The following RNF150 variants were observed in gnomAD, a reference collection of about 807,000 sequenced individuals.
The protein encoded by RNF150 is ring finger protein 150.
A neutral mutation model predicts 39.3 loss-of-function variants in RNF150; 24 were observed. The ratio of observed to expected loss-of-function variants is 0.61; its 90% confidence interval spans 0.44 to 0.86. The LOEUF (loss-of-function observed/expected upper bound fraction) is 0.86. RNF150 is among the 40% of genes least tolerant of loss of function. RNF150 has a pLI of 0.00. For missense variants in RNF150, 502 were observed against 587.8 expected (o/e 0.85, Z 1.51); for synonymous variants, 255 against 227.3 (o/e 1.12, Z -1.10).
At chr4:141,024,516 G>A (rs979562653) in intron 1 of RNF150, among the ~76,000 whole-genome samples, 2 of 151,862 alleles carry the variant, frequency 1.3e-5, no homozygotes, top group Non-Finnish European at 2.9e-5. Context: ...AATTATCGCT[G>A]GTTAAACACA....
intron 1 of RNF150, among the ~76,000 whole-genome samples, chr4:141,071,918 G>T (rs143425201): frequency 2.6e-5 from 4 of 152,266 alleles, no homozygotes; most frequent in African/African-American, 9.6e-5. Flanking sequence ...GGGGGAAAAA[G>T]AATCAAGTGC....
intron 1 of RNF150, among the ~76,000 whole-genome samples, chr4:141,056,697 G>A (rs1425561881): frequency 6.6e-6 from 1 of 151,888 alleles, no homozygotes; most frequent in Non-Finnish European, 1.5e-5. Flanking sequence ...CTCAGTAGCT[G>A]AAGACATGAA....
At chr4:140,968,739 T>C (rs1193016356) in intron 1 of RNF150, among the ~76,000 whole-genome samples, 4 of 151,866 alleles carry the variant, frequency 2.6e-5, no homozygotes, top group Admixed American at 6.6e-5. Context: ...TGGGTCATTG[T>C]CCTTACGCAT....
At chr4:140,918,060 A>G (rs1460267677) in intron 5 of RNF150, among the ~76,000 whole-genome samples, 2 of 152,026 alleles carry the variant, frequency 1.3e-5, no homozygotes, top group East Asian at 3.9e-4. Flanking sequence ...AGGGAAATTT[A>G]TAGCACTAAA....
At chr4:141,155,286 G>A (rs2572230) in intron 1 of RNF150, among the ~76,000 whole-genome samples, 142,657 of 144,718 alleles carry the variant, frequency 0.99, 70,357 homozygotes, top group Non-Finnish European at 1. Context: ...TTTAGTAGAG[G>A]CAGGTTTCAC....
At chr4:141,159,618 C>T (rs1418134126) in intron 1 of RNF150, among the ~76,000 whole-genome samples, 3 of 152,110 alleles carry the variant, frequency 2.0e-5, no homozygotes, top group Admixed American at 1.3e-4. Context: ...TCATGGCTAA[C>T]TGCAGCCTCC....
intron 2 of RNF150, among the ~76,000 whole-genome samples, chr4:140,962,003 G>A (rs1733044425): frequency 6.6e-6 from 1 of 151,440 alleles, no homozygotes; most frequent in South Asian, 2.1e-4. Flanking sequence ...ATTATCACAG[G>A]CCCAAAAATA....
intron 4 of RNF150, among the ~76,000 whole-genome samples, chr4:140,935,724 A>G (rs1212172673): frequency 1.3e-5 from 2 of 152,230 alleles, no homozygotes; most frequent in African/African-American, 2.4e-5. Context: ...ACTAATGTGT[A>G]GAGTGAACTG....
chr4:141,110,949 A>T (rs1739365543), intron 1 of RNF150, among the ~76,000 whole-genome samples: 1 of 152,188 alleles, frequency 6.6e-6, no homozygotes, highest in African/African-American at 2.4e-5. Context: ...AAAGCTAATC[A>T]GTGATTTCGG....
chr4:140,874,817 G>A lies in RNF150; in HGVS notation c.1199-6438C>T, dbSNP rs557576174. Among the ~76,000 whole-genome samples the A allele has an allele frequency of 2.0e-4, 30 of 152,266 alleles. No individual in the cohort carries two copies. The South Asian group carries it at 6.2e-3, about 32-fold the overall frequency. On this transcript the variant is annotated intron_variant, in intron 6 of 6. Coordinates refer to ENST00000515673, the MANE Select transcript of RNF150 (RefSeq NM_020724.2). ...CAATTCTCCTGCCTCAGTCTGTTGA[G>A]TAGCTGATTTTATTTTATTTTTTTT... is the stretch of plus-strand genomic sequence containing the variant.
At chr4:140,875,854 C>T (rs1729136497) in intron 6 of RNF150, among the ~76,000 whole-genome samples, 1 of 152,140 alleles carries the variant, frequency 6.6e-6, no homozygotes, top group Non-Finnish European at 1.5e-5. Context: ...AAAGCTAAAG[C>T]AGAAAACTAT....
At chr4:141,127,201 T>C (rs1344113171) in intron 1 of RNF150, among the ~76,000 whole-genome samples, 1 of 152,178 alleles carries the variant, frequency 6.6e-6, no homozygotes, top group South Asian at 2.1e-4. Context: ...TGCCTCAGTT[T>C]CCTCGTCTAT....
chr4:140,938,984 C>T (rs1395408313), intron 4 of RNF150, among the ~76,000 whole-genome samples: 1 of 152,180 alleles, frequency 6.6e-6, no homozygotes, highest in African/African-American at 2.4e-5. Flanking sequence ...ACACATGGTA[C>T]AAAATAACAA....
At chr4:140,905,586 A>G (rs151045109) in intron 6 of RNF150, among the ~76,000 whole-genome samples, 363 of 152,342 alleles carry the variant, frequency 2.4e-3, no homozygotes, top group Non-Finnish European at 4.4e-3. Context: ...GAAATTGTCA[A>G]TGAACAGAGC....
intron 4 of RNF150, among the ~76,000 whole-genome samples, chr4:140,926,880 T>C (rs1035038917): frequency 8.5e-5 from 13 of 152,198 alleles, no homozygotes; most frequent in African/African-American, 3.1e-4. Context: ...CAGAATTTTC[T>C]GCCTGGGGCA....
At chr4:141,046,246 G>C (rs1736571924) in intron 1 of RNF150, among the ~76,000 whole-genome samples, 1 of 152,100 alleles carries the variant, frequency 6.6e-6, no homozygotes, top group South Asian at 2.1e-4. Flanking sequence ...CCTTAGATGG[G>C]GGAATACACT....
intron 1 of RNF150, among the ~76,000 whole-genome samples, chr4:141,203,193 CTTGGAGATATATAATCTTGGAGACGAT>C (rs1560777434): frequency 7.5e-5 from 3 of 39,884 alleles, no homozygotes; most frequent in African/African-American, 3.1e-4. Flanking sequence ...ATATATATAT[CTTGGAGATATATAATCTTGGAGACGAT>C]ATATATATCT....
intron 1 of RNF150, among the ~76,000 whole-genome samples, chr4:141,050,136 T>C (rs891867365): frequency 6.6e-6 from 1 of 152,076 alleles, no homozygotes; most frequent in Non-Finnish European, 1.5e-5. Flanking sequence ...TATGTACATA[T>C]ATTACAATTA....
At chr4:141,175,925 C>A (rs1158309446) in intron 1 of RNF150, among the ~76,000 whole-genome samples, 1 of 152,064 alleles carries the variant, frequency 6.6e-6, no homozygotes, top group Non-Finnish European at 1.5e-5. Flanking sequence ...CACTCTGTCA[C>A]CCAGGCTTAA....
Sources: allele counts gnomAD v4.1 joint callset (sites outside exome capture counted in the v4.1 genomes callset), GRCh38; gene constraint gnomAD v4.1.1; transcripts MANE v1.5; gene names NCBI Gene and HGNC (gene_info 2026-07-23, HGNC 2026-07-21).